The following PACRG variants were observed in gnomAD, a reference collection of about 807,000 sequenced individuals.
PACRG encodes the protein parkin coregulated, also known as parkin coregulated gene protein.
Under a neutral mutation model 29.7 loss-of-function variants are expected in PACRG, and 29 were observed. The observed-to-expected ratio is 0.98, with a 90% CI of 0.73 to 1.33. The LOEUF (loss-of-function observed/expected upper bound fraction) is 1.33, where lower values mean the gene tolerates loss of function less well. Ranked by LOEUF, PACRG falls within the 40% of genes most tolerant of loss-of-function variation. The pLI is 0.00. For missense variants in PACRG, 279 were observed against 316.2 expected, an observed-to-expected ratio of 0.88 and a Z score of 0.89; for synonymous variants, 116 against 118.7, an observed-to-expected ratio of 0.98 and a Z score of 0.15.
At chr6:163,203,657 G>A (rs964261994) in intron 4 of PACRG, among the ~76,000 whole-genome samples, 16 of 152,172 alleles carry the variant, frequency 1.1e-4, no homozygotes, top group African/African-American at 3.9e-4. Flanking sequence ...TGAATCCATA[G>A]GACAATAATA....
At chr6:163,222,809 T>C (rs1191556748) in intron 4 of PACRG, among the ~76,000 whole-genome samples, 1 of 152,190 alleles carries the variant, frequency 6.6e-6, no homozygotes, top group Non-Finnish European at 1.5e-5. Context: ...TATTAACATA[T>C]ATAAATTACT....
At chr6:163,245,514 AAGTC>A (rs1782660804) in intron 4 of PACRG, among the ~76,000 whole-genome samples, 1 of 152,146 alleles carries the variant, frequency 6.6e-6, no homozygotes, top group East Asian at 1.9e-4. Flanking sequence ...GGTTAGTTCT[AAGTC>A]AGCCATTAAG....
chr6:163,122,541 C>T (rs1816330412), intron 4 of PACRG, among the ~76,000 whole-genome samples: 1 of 152,154 alleles, frequency 6.6e-6, no homozygotes, highest in Non-Finnish European at 1.5e-5. Flanking sequence ...AAGCCTGGCA[C>T]CTCCCCCTCG....
chr6:163,028,515 G>A (rs1423642608), intron 2 of PACRG, among the ~76,000 whole-genome samples: 2 of 152,110 alleles, frequency 1.3e-5, no homozygotes, highest in Admixed American at 6.5e-5. Flanking sequence ...ATCTCAGGTG[G>A]CACCACTGCT....
rs376599454 is a variant in PACRG, at chr6:163,314,814, T to C, written c.614-13T>C. ...AGAAGTAACTGGCCTCTTTGTGTGT[T>C]TGCATGCACCAGTGAACTCCGGAGA... On this transcript the variant is annotated splice_polypyrimidine_tract_variant and intron_variant, in intron 4 of 4. Transcript: ENST00000366888. 2.1e-5 allele frequency: 34 copies of C among 1,612,212 alleles called. No individual in the cohort carries two copies. Among genetic ancestry groups the C allele is most frequent in the African/African-American group, 4.0e-5 (3 of 74,830 alleles).
chr6:163,054,515 C>T (rs973066505), intron 2 of PACRG, among the ~76,000 whole-genome samples: 6 of 152,128 alleles, frequency 3.9e-5, no homozygotes, highest in African/African-American at 1.4e-4. Flanking sequence ...ACAGTGCGTT[C>T]GAAGAGTCCC....
intron 4 of PACRG, among the ~76,000 whole-genome samples, chr6:163,259,845 C>T (rs886313764): frequency 2.2e-4 from 33 of 152,184 alleles, no homozygotes; most frequent in Admixed American, 1.2e-3. Flanking sequence ...ACCTCCCATC[C>T]GCCCCGCTCC....
At chr6:163,161,946 TTAAG>T (rs777642098) in intron 4 of PACRG, among the ~76,000 whole-genome samples, 1 of 152,236 alleles carries the variant, frequency 6.6e-6, no homozygotes, top group East Asian at 1.9e-4. Flanking sequence ...GCATGAAATT[TTAAG>T]TAAGTCTAGA....
At chr6:163,298,083 C>T (rs6927758) in intron 4 of PACRG, among the ~76,000 whole-genome samples, 71,666 of 151,848 alleles carry the variant, frequency 0.47, 17,104 homozygotes, top group African/African-American at 0.53. Context: ...ATTGCATCGA[C>T]CAAAAAGAAG....
At chr6:163,006,550 G>T (rs961373742) in intron 2 of PACRG, among the ~76,000 whole-genome samples, 2 of 151,614 alleles carry the variant, frequency 1.3e-5, no homozygotes, top group African/African-American at 4.8e-5. Flanking sequence ...TGAAATATCT[G>T]ACTATAGTTA....
intron 3 of PACRG, among the ~76,000 whole-genome samples, chr6:163,067,977 T>C (rs1811702964): frequency 6.6e-6 from 1 of 152,254 alleles, no homozygotes. Flanking sequence ...ATTTTCAAAA[T>C]GTTCAGAACA....
Position 162,895,414 on chromosome 6 carries a change from G to C in PACRG, c.291+81133G>C, listed in dbSNP as rs138869958. 3.3e-3 allele frequency among the ~76,000 whole-genome samples: 506 copies of C among 152,128 alleles called. 2 individuals carry two copies. The highest frequency in any genetic ancestry group is 0.012 in the African/African-American group (487 of 41,478). On this transcript the variant is annotated intron_variant, in intron 2 of 4. Transcript: ENST00000366888. ...CTTTCACCCAAAGCTCATGGCCTTT[G>C]TACCATTCTGTGAATTTCAAGGTTA...
At chr6:163,085,320 C>A (rs574186183) in intron 3 of PACRG, among the ~76,000 whole-genome samples, 1 of 152,204 alleles carries the variant, frequency 6.6e-6, no homozygotes, top group African/African-American at 2.4e-5. Context: ...GGCTCTGAGT[C>A]CTTCTTAAGG....
chr6:162,850,421 G>A (rs992066098), intron 2 of PACRG, among the ~76,000 whole-genome samples: 1 of 152,304 alleles, frequency 6.6e-6, no homozygotes, highest in Non-Finnish European at 1.5e-5. Context: ...GGCAGAGGTA[G>A]CTTCAGAAAG....
intron 2 of PACRG, among the ~76,000 whole-genome samples, chr6:162,847,187 A>G (rs908455378): frequency 1.3e-5 from 2 of 152,220 alleles, no homozygotes; most frequent in Admixed American, 1.3e-4. Flanking sequence ...GGTCCACACT[A>G]GCCAGCTATA....
chr6:162,939,840 A>G (rs904004774), intron 2 of PACRG, among the ~76,000 whole-genome samples: 5 of 152,186 alleles, frequency 3.3e-5, no homozygotes, highest in Non-Finnish European at 7.3e-5. Context: ...TTAAGTTGCT[A>G]ATTTGCAAAA....
intron 4 of PACRG, among the ~76,000 whole-genome samples, chr6:163,301,782 C>T (rs1213823672): frequency 1.3e-5 from 2 of 152,146 alleles, no homozygotes; most frequent in East Asian, 1.9e-4. Context: ...TAATAGTTGT[C>T]GAAATTTATC....
chr6:163,251,854 G>A (rs1782916771), intron 4 of PACRG, among the ~76,000 whole-genome samples: 1 of 152,188 alleles, frequency 6.6e-6, no homozygotes, highest in Non-Finnish European at 1.5e-5. Flanking sequence ...CTGATTTGGG[G>A]TCTTTATCAT....
intron 2 of PACRG, among the ~76,000 whole-genome samples, chr6:163,031,721 C>T (rs753817800): frequency 1.3e-4 from 20 of 152,284 alleles, no homozygotes; most frequent in Non-Finnish European, 2.5e-4. Context: ...TTTTTTAAAG[C>T]TGAGCCCAGC....
Sources: allele counts gnomAD v4.1 joint callset (sites outside exome capture counted in the v4.1 genomes callset), GRCh38; gene constraint gnomAD v4.1.1; transcripts MANE v1.5; gene names NCBI Gene and HGNC (gene_info 2026-07-23, HGNC 2026-07-21).